The following STXBP5L variants were observed in gnomAD, a reference collection of about 807,000 sequenced individuals.
STXBP5L encodes the protein syntaxin binding protein 5L.
Under a neutral mutation model 144.5 loss-of-function variants are expected in STXBP5L, and 65 were observed. The observed-to-expected ratio is 0.45, with a 90% CI of 0.37 to 0.55. The LOEUF (loss-of-function observed/expected upper bound fraction) is 0.55, where lower values mean the gene tolerates loss of function less well. STXBP5L is among the 20% of genes least tolerant of loss of function. STXBP5L has a pLI of 0.00. For synonymous variants in STXBP5L, 505 were observed against 469.6 expected, an observed-to-expected ratio of 1.08 and a Z score of -0.97; for missense variants, 1,298 against 1,405.5, an observed-to-expected ratio of 0.92 and a Z score of 1.22.
At chr3:120,987,337 C>T (rs1330717613) in intron 3 of STXBP5L, among the ~76,000 whole-genome samples, 1 of 151,902 alleles carries the variant, frequency 6.6e-6, no homozygotes, top group Admixed American at 6.6e-5. Flanking sequence ...GTAGTAAGAA[C>T]TAATTGTGGT....
chr3:121,347,573 A>C (rs1192808553), intron 20 of STXBP5L, among the ~76,000 whole-genome samples: 1 of 152,160 alleles, frequency 6.6e-6, no homozygotes, highest in Non-Finnish European at 1.5e-5. Context: ...CACGATATTG[A>C]TTCTTCCTAC....
At chr3:121,001,180 T>C (rs149830381) in intron 3 of STXBP5L, among the ~76,000 whole-genome samples, 6 of 152,224 alleles carry the variant, frequency 3.9e-5, no homozygotes, top group Middle Eastern at 3.4e-3. Context: ...GGCATAGCCA[T>C]TGGGGAGGCT....
intron 19 of STXBP5L, among the ~76,000 whole-genome samples, chr3:121,298,266 GT>G (rs1273673176): frequency 3.2e-4 from 49 of 152,150 alleles, no homozygotes; most frequent in Non-Finnish European, 4.7e-4. Context: ...GATTAGTGAT[GT>G]TATTTTCATA....
At chr3:121,073,287 A>C (rs1032081464) in intron 5 of STXBP5L, among the ~76,000 whole-genome samples, 1 of 152,166 alleles carries the variant, frequency 6.6e-6, no homozygotes, top group South Asian at 2.1e-4. Flanking sequence ...CTCCAGGGTT[A>C]TGTAGGGGTT....
chr3:121,018,035 C>T (rs1308543397), intron 3 of STXBP5L, among the ~76,000 whole-genome samples: 3 of 152,152 alleles, frequency 2.0e-5, no homozygotes, highest in Admixed American at 6.6e-5. Flanking sequence ...GCCACGATCA[C>T]GCCACTGCAC....
rs748916907 is a variant in STXBP5L, at chr3:121,413,205, C to T, written c.2996C>T (p.Thr999Ile). ...TTGGATGTTAATTATTTGCCACTGA[C>T]AGACATGAGGATAGCACGAACATTT... ...PMLDVNYLPLTDMRIARTFCF... is the reference protein window; with the variant it reads ...PMLDVNYLPLIDMRIARTFCF... Residue 999 changes from threonine (T) to isoleucine (I), a missense_variant, in exon 24 of 27, where the codon ACA (threonine) becomes ATA (isoleucine). Transcript: ENST00000471454. 1 of 1,606,472 alleles carries T rather than the reference C, an allele frequency of 6.2e-7. No individual in the cohort carries two copies.
chr3:121,352,568 T>TA (rs547731286), intron 20 of STXBP5L, among the ~76,000 whole-genome samples: 463 of 152,270 alleles, frequency 3.0e-3, no homozygotes, highest in Non-Finnish European at 5.6e-3. Context: ...GCTTATCAGA[T>TA]AAGGAGATTT....
chr3:121,357,601 A>C (rs1209930440), intron 20 of STXBP5L: 1 of 152,236 alleles, frequency 6.6e-6, no homozygotes, highest in African/African-American at 2.4e-5. Context: ...GAGCTATGAT[A>C]GCAACATGTT....
At chr3:121,156,313 G>A (rs2046108414) in intron 8 of STXBP5L, among the ~76,000 whole-genome samples, 1 of 151,882 alleles carries the variant, frequency 6.6e-6, no homozygotes, top group African/African-American at 2.4e-5. Context: ...GGAAATTTTA[G>A]TTGTATGTGT....
intron 3 of STXBP5L, among the ~76,000 whole-genome samples, chr3:120,983,511 G>T (rs1179361505): frequency 6.6e-6 from 1 of 152,168 alleles, no homozygotes. Flanking sequence ...GCCTCTGGGG[G>T]TTGGGCTCTC....
At chr3:121,394,003 A>G (rs978686961) in intron 22 of STXBP5L, among the ~76,000 whole-genome samples, 3 of 152,196 alleles carry the variant, frequency 2.0e-5, no homozygotes, top group African/African-American at 7.2e-5. Flanking sequence ...TTGAATCTGT[A>G]GATTGTTTTG....
intron 3 of STXBP5L, among the ~76,000 whole-genome samples, chr3:121,022,093 C>A (rs945821181): frequency 3.9e-5 from 6 of 151,994 alleles, no homozygotes; most frequent in African/African-American, 1.4e-4. Flanking sequence ...GATATTACAA[C>A]CAATACCACA....
intron 10 of STXBP5L, among the ~76,000 whole-genome samples, chr3:121,213,024 T>C (rs1333760721): frequency 6.6e-6 from 1 of 152,206 alleles, no homozygotes; most frequent in East Asian, 1.9e-4. Flanking sequence ...CTGTTATTGG[T>C]GTATAGGAAT....
At chr3:121,349,413 G>C (rs918367277) in intron 20 of STXBP5L, among the ~76,000 whole-genome samples, 1 of 146,618 alleles carries the variant, frequency 6.8e-6, no homozygotes, top group African/African-American at 2.6e-5. Context: ...GTGGTGTGGT[G>C]CTGAGAAGAA....
intron 14 of STXBP5L, among the ~76,000 whole-genome samples, chr3:121,249,632 A>G (rs2049969057): frequency 6.6e-6 from 1 of 152,134 alleles, no homozygotes; most frequent in Non-Finnish European, 1.5e-5. Context: ...TAATCTGCAA[A>G]TACAAACAAT....
intron 2 of STXBP5L, among the ~76,000 whole-genome samples, chr3:120,916,727 T>C (rs1325606890): frequency 2.0e-5 from 3 of 152,242 alleles, no homozygotes; most frequent in Non-Finnish European, 4.4e-5. Flanking sequence ...GCAGATTTAA[T>C]ACCTGGATTT....
chr3:120,985,086 C>T (rs751521517), intron 3 of STXBP5L, among the ~76,000 whole-genome samples: 9 of 151,812 alleles, frequency 5.9e-5, no homozygotes, highest in African/African-American at 2.4e-5. Flanking sequence ...TAATTTCATG[C>T]CAGTGTTCAT....
At chr3:120,958,409 C>G (rs955232025) in intron 3 of STXBP5L, among the ~76,000 whole-genome samples, 62 of 152,022 alleles carry the variant, frequency 4.1e-4, no homozygotes, top group African/African-American at 1.1e-3. Context: ...CTCATTTTAT[C>G]AGGCCAGCAT....
chr3:121,015,767 C>G (rs1247000470), intron 3 of STXBP5L, among the ~76,000 whole-genome samples: 1 of 152,058 alleles, frequency 6.6e-6, no homozygotes, highest in Admixed American at 6.6e-5. Flanking sequence ...GAGCCTTATC[C>G]AAGGTAGGGG....
Sources: gnomAD v4.1 joint callset for allele counts (sites outside exome capture counted in the v4.1 genomes callset) on GRCh38, gnomAD v4.1.1 for gene constraint, MANE v1.5 for transcripts, NCBI Gene and HGNC (gene_info 2026-07-23, HGNC 2026-07-21) for gene names.